FAAH2: variants seen among roughly 807,000 people sequenced by gnomAD.
The protein encoded by FAAH2 is fatty acid amide hydrolase 2, also known as fatty-acid amide hydrolase 2.
A neutral mutation model predicts 36.9 loss-of-function variants in FAAH2; 60 were observed. The ratio of observed to expected loss-of-function variants is 1.63; its 90% CI spans 1.32 to 2.02. The LOEUF (loss-of-function observed/expected upper bound fraction) is 2.02. Ranked by LOEUF, FAAH2 falls within the 30% of genes most tolerant of loss-of-function variation. FAAH2 has a pLI of 0.00. For missense variants in FAAH2, 689 were observed against 397.5 expected, an observed-to-expected ratio of 1.73 and a Z score of -6.23; for synonymous variants, 214 against 143.8, an observed-to-expected ratio of 1.49 and a Z score of -3.49.
intron 2 of FAAH2, among the ~76,000 whole-genome samples, chrX:57,305,078 G>GTA (rs2052483807): frequency 9.1e-6 from 1 of 110,197 alleles, no homozygotes; most frequent in Non-Finnish European, 1.9e-5. Flanking sequence ...GTGTGTGTGT[G>GTA]TGTGTATGTG....
chrX:57,285,605 C>G (rs1414843180), upstream of FAAH2, among the ~76,000 whole-genome samples: 1 of 111,601 alleles, frequency 9.0e-6, no homozygotes, highest in Non-Finnish European at 1.9e-5. Context: ...GGTACTTGTC[C>G]TGAACTAGAT....
At chrX:57,158,345 A>C in the FAAH2 span, among the ~76,000 whole-genome samples, 1 of 112,185 alleles carries the variant, frequency 8.9e-6, no homozygotes, top group Non-Finnish European at 1.9e-5. Context: ...ATGATTTATA[A>C]TCCTTTGGGT....
chrX:57,230,220 G>C, the FAAH2 span, among the ~76,000 whole-genome samples: 2 of 111,867 alleles, frequency 1.8e-5, no homozygotes. Context: ...TCTTTCCCGT[G>C]TTCTTACTTC....
chrX:57,124,163 C>T, the FAAH2 span, among the ~76,000 whole-genome samples: 1 of 111,393 alleles, frequency 9.0e-6, no homozygotes, highest in Non-Finnish European at 1.9e-5. Context: ...TTTAATCCAT[C>T]TTGAATTAAT....
chrX:57,348,686 C>T (rs2053897522), intron 5 of FAAH2, among the ~76,000 whole-genome samples: 1 of 111,550 alleles, frequency 9.0e-6, no homozygotes, highest in Non-Finnish European at 1.9e-5. Context: ...TAGCTCTTTA[C>T]AACCAAAAAT....
the FAAH2 span, among the ~76,000 whole-genome samples, chrX:57,158,878 G>T: frequency 8.9e-6 from 1 of 112,039 alleles, no homozygotes; most frequent in Non-Finnish European, 1.9e-5. Flanking sequence ...TTTGGCTTTT[G>T]TTGCCATTGC....
chrX:57,413,592 A>ACCATGCTGTTTTGGTT (rs1394200552), intron 7 of FAAH2, among the ~76,000 whole-genome samples: 9 of 111,760 alleles, frequency 8.1e-5, no homozygotes, highest in African/African-American at 2.9e-4. Flanking sequence ...CTGTTTTGGT[A>ACCATGCTGTTTTGGTT]CCATGCTGTT....
the FAAH2 span, among the ~76,000 whole-genome samples, chrX:57,252,135 A>T: frequency 1.8e-5 from 2 of 112,578 alleles, no homozygotes; most frequent in Non-Finnish European, 3.8e-5. Flanking sequence ...TCAATCTGAG[A>T]TTAACCTGGG....
At chrX:57,236,700 G>A in the FAAH2 span, among the ~76,000 whole-genome samples, 177 of 108,419 alleles carry the variant, frequency 1.6e-3, no homozygotes, top group South Asian at 7.8e-3. Context: ...CAGATTATTT[G>A]GGGGGGGTGT....
chrX:57,201,573 T>A, the FAAH2 span, among the ~76,000 whole-genome samples: 2 of 112,285 alleles, frequency 1.8e-5, no homozygotes, highest in African/African-American at 6.5e-5. Flanking sequence ...CTTGAATTAA[T>A]CTTGTGATTA....
chrX:57,215,709 A>G, the FAAH2 span, among the ~76,000 whole-genome samples: 9 of 109,722 alleles, frequency 8.2e-5, no homozygotes, highest in African/African-American at 3.0e-4. Flanking sequence ...GCAAACTAAC[A>G]CGGGAACAGG....
chrX:57,434,083 ATTT>A (rs771256980), intron 8 of FAAH2, among the ~76,000 whole-genome samples: 1 of 94,104 alleles, frequency 1.1e-5, no homozygotes, highest in Non-Finnish European at 2.1e-5. Flanking sequence ...AATTAAATTG[ATTT>A]TTTTTTTTTT....
At chrX:57,204,569 G>T in the FAAH2 span, among the ~76,000 whole-genome samples, 1 of 111,638 alleles carries the variant, frequency 9.0e-6, no homozygotes, top group Admixed American at 9.5e-5. Flanking sequence ...TGTTGATTTT[G>T]GCCTGGAGAA....
chrX:57,439,342 C>G (rs1166064351), intron 8 of FAAH2, among the ~76,000 whole-genome samples: 6 of 111,747 alleles, frequency 5.4e-5, no homozygotes, highest in African/African-American at 2.0e-4. Context: ...TTGCATTTCT[C>G]TGATGGCCAG....
the FAAH2 span, among the ~76,000 whole-genome samples, chrX:57,217,288 A>G: frequency 9.4e-6 from 1 of 106,234 alleles, no homozygotes; most frequent in African/African-American, 3.5e-5. Flanking sequence ...TTGTTGAATT[A>G]GGTCCCAGCT....
intron 10 of FAAH2, among the ~76,000 whole-genome samples, chrX:57,470,502 A>G (rs897283621): frequency 9.0e-6 from 1 of 111,695 alleles, no homozygotes; most frequent in African/African-American, 3.3e-5. Flanking sequence ...ATCTAGAAGA[A>G]ATGGATAAAT....
chrX:57,223,510 G>A, the FAAH2 span, among the ~76,000 whole-genome samples: 2 of 110,770 alleles, frequency 1.8e-5, no homozygotes. Flanking sequence ...ATTCTCACTT[G>A]CCCTCACCTT....
intron 7 of FAAH2, among the ~76,000 whole-genome samples, chrX:57,420,727 A>G (rs200392550): frequency 2.7e-4 from 29 of 107,705 alleles, no homozygotes; most frequent in African/African-American, 6.4e-4. Flanking sequence ...TCTCCTGCCT[A>G]ATTGCCCTGG....
chrX:57,443,418 C>G (rs1472830037), intron 8 of FAAH2, among the ~76,000 whole-genome samples: 1 of 112,157 alleles, frequency 8.9e-6, no homozygotes. Context: ...GAAGGTTGTG[C>G]ATTCATCACG....
Sources: allele counts gnomAD v4.1 joint callset (sites outside exome capture counted in the v4.1 genomes callset), GRCh38; gene constraint gnomAD v4.1.1; transcripts MANE v1.5; gene names NCBI Gene and HGNC (gene_info 2026-07-23, HGNC 2026-07-21).